Variants in GPHN observed in about 807,000 individuals in gnomAD.
GPHN encodes the protein gephyrin.
GPHN carries 17 observed loss-of-function variants against 95.5 expected under a neutral mutation model. The ratio of observed to expected loss-of-function variants is 0.18; its 90% CI spans 0.12 to 0.27. GPHN has a LOEUF of 0.27. Ranked by LOEUF, GPHN falls within the 10% of genes least tolerant of loss-of-function variation. The pLI, the probability that GPHN is intolerant of heterozygous loss-of-function variation, is 1.00. For synonymous variants in GPHN, 320 were observed against 322.5 expected (o/e 0.99, Z 0.08); for missense variants, 660 against 978.1 (o/e 0.67, Z 4.34).
chr14:67,729,207 C>T, the GPHN span: 1 of 1,612,690 alleles, frequency 6.2e-7, no homozygotes, highest in Non-Finnish European at 8.5e-7. Context: ...GGGTCACCAC[C>T]TACGCAGTGC....
chr14:66,962,473 A>G (rs977252430), intron 8 of GPHN, among the ~76,000 whole-genome samples: 7 of 151,670 alleles, frequency 4.6e-5, no homozygotes, highest in Non-Finnish European at 8.9e-5. Context: ...TTCATTCATC[A>G]ATGCATTTTT....
the GPHN span, among the ~76,000 whole-genome samples, chr14:67,654,614 T>C: frequency 3.9e-5 from 6 of 152,276 alleles, no homozygotes; most frequent in Middle Eastern, 3.4e-3. Context: ...ATTAAGAAAA[T>C]CTACTCAAAT....
At chr14:66,853,480 A>G (rs1192093775) in intron 4 of GPHN, among the ~76,000 whole-genome samples, 1 of 152,236 alleles carries the variant, frequency 6.6e-6, no homozygotes, top group Admixed American at 6.5e-5. Flanking sequence ...ACAGTTCCAC[A>G]TGGCTGGGGA....
chr14:67,270,179 C>A, the GPHN span: 3 of 152,176 alleles, frequency 2.0e-5, no homozygotes, highest in Non-Finnish European at 4.4e-5. Context: ...TTCAGTCCCT[C>A]CAGTCTCAAT....
the GPHN span, among the ~76,000 whole-genome samples, chr14:67,559,431 T>C: frequency 8.5e-5 from 13 of 152,186 alleles, no homozygotes; most frequent in Admixed American, 1.3e-4. Flanking sequence ...ATTTCCAGTT[T>C]TGAGTTTTTA....
the GPHN span, chr14:67,619,661 G>A: frequency 4.1e-6 from 1 of 243,254 alleles, no homozygotes; most frequent in South Asian, 8.5e-5. Flanking sequence ...TGGTCACCGC[G>A]CTCTTACTGG....
At chr14:67,046,933 C>T (rs2075047491) in intron 10 of GPHN, among the ~76,000 whole-genome samples, 1 of 152,000 alleles carries the variant, frequency 6.6e-6, no homozygotes, top group Non-Finnish European at 1.5e-5. Flanking sequence ...TACCAAGGAC[C>T]CTAACTATTT....
At chr14:67,184,353 C>T (rs147195032), downstream of GPHN, among the ~76,000 whole-genome samples, 26 of 152,112 alleles carry the variant, frequency 1.7e-4, no homozygotes, top group African/African-American at 5.5e-4. Flanking sequence ...TTAGGGAAAA[C>T]GCTTTGGCAG....
chr14:67,492,457 T>C, the GPHN span, among the ~76,000 whole-genome samples: 1 of 152,234 alleles, frequency 6.6e-6, no homozygotes, highest in Admixed American at 6.5e-5. Context: ...AAAGAGGCAG[T>C]GGCCTCACAG....
chr14:66,706,124 A>G (rs1475022043), intron 2 of GPHN, among the ~76,000 whole-genome samples: 1 of 152,210 alleles, frequency 6.6e-6, no homozygotes, highest in African/African-American at 2.4e-5. Context: ...GGACCTCTTC[A>G]GGGAGAACTA....
At chr14:66,938,587 T>C (rs1322618928) in intron 8 of GPHN, among the ~76,000 whole-genome samples, 1 of 152,100 alleles carries the variant, frequency 6.6e-6, no homozygotes, top group East Asian at 1.9e-4. Context: ...GTCCACTGTT[T>C]AGGTCCAAAA....
intron 1 of GPHN, among the ~76,000 whole-genome samples, chr14:66,588,817 T>A (rs2061524498): frequency 6.6e-6 from 1 of 152,104 alleles, no homozygotes; most frequent in Non-Finnish European, 1.5e-5. Context: ...CTTCAGGATA[T>A]TATCCAGGAG....
chr14:67,256,895 A>C, the GPHN span, among the ~76,000 whole-genome samples: 1 of 152,146 alleles, frequency 6.6e-6, no homozygotes, highest in Non-Finnish European at 1.5e-5. Context: ...TTACCAAAGA[A>C]TGTGGGTATT....
chr14:66,765,162 AAG>A, intron 2 of GPHN, among the ~76,000 whole-genome samples: 1 of 152,230 alleles, frequency 6.6e-6, no homozygotes, highest in East Asian at 1.9e-4. Context: ...CAAGTCAAAA[AAG>A]AACAGGTACT....
At chr14:67,702,575 C>A in the GPHN span, among the ~76,000 whole-genome samples, 13 of 152,016 alleles carry the variant, frequency 8.6e-5, no homozygotes, top group Non-Finnish European at 1.6e-4. Context: ...TGTATGTTGA[C>A]AATTTTGAAG....
intron 1 of GPHN, among the ~76,000 whole-genome samples, chr14:66,661,430 C>A (rs1229985508): frequency 1.3e-5 from 2 of 152,044 alleles, no homozygotes; most frequent in Non-Finnish European, 2.9e-5. Context: ...TTAAGAGGGA[C>A]CCTCAATCCA....
At chr14:66,584,231 T>G (rs2061328362) in intron 1 of GPHN, among the ~76,000 whole-genome samples, 1 of 152,164 alleles carries the variant, frequency 6.6e-6, no homozygotes, top group East Asian at 1.9e-4. Context: ...TTTTGCACAT[T>G]GAGTTTGTAT....
At chr14:66,740,043 T>C (rs756105109) in intron 2 of GPHN, among the ~76,000 whole-genome samples, 1 of 152,044 alleles carries the variant, frequency 6.6e-6, no homozygotes, top group African/African-American at 2.4e-5. Context: ...AAGTGAATAA[T>C]AGGCTAAAAG....
chr14:67,691,590 T>C, the GPHN span: 1 of 216,310 alleles, frequency 4.6e-6, no homozygotes, highest in Non-Finnish European at 9.3e-6. Context: ...GAAAAAAGAA[T>C]GTTCTCTATG....
Sources: gnomAD v4.1 joint callset for allele counts (sites outside exome capture counted in the v4.1 genomes callset) on GRCh38, gnomAD v4.1.1 for gene constraint, MANE v1.5 for transcripts, NCBI Gene and HGNC (gene_info 2026-07-23, HGNC 2026-07-21) for gene names.